Variants in NID1 observed in about 807,000 individuals in gnomAD.
The protein encoded by NID1 is nidogen 1, also known as nidogen-1.
NID1 carries 76 observed loss-of-function variants against 130.6 expected under a neutral mutation model. That is an observed-to-expected ratio of 0.58 (90% CI 0.48 to 0.70). The LOEUF is 0.70. NID1 is among the 30% of genes least tolerant of loss of function. The pLI, the probability that NID1 is intolerant of heterozygous loss-of-function variation, is 0.00. For missense variants in NID1, 1,517 were observed against 1,664.8 expected, an observed-to-expected ratio of 0.91 and a Z score of 1.54; for synonymous variants, 665 against 675.1, an observed-to-expected ratio of 0.98 and a Z score of 0.23.
rs755354883 is a variant in NID1 at position 236,017,134 on chromosome 1, C to T, written c.2254+14G>A. ...ATGTGAATACTGTTTCGAAAAGTTA[C>T]CTGGAGAACTTACCCACACACGTTC... On this transcript the variant is annotated intron_variant, in intron 10 of 19. Coordinates refer to ENST00000264187, the MANE Select transcript of NID1 (RefSeq NM_002508.3). 4 of 1,613,978 alleles carry T rather than the reference C, an allele frequency of 2.5e-6. No homozygotes were observed. The East Asian group carries it at 8.9e-5, about 36-fold the overall frequency.
intron 12 of NID1, among the ~76,000 whole-genome samples, 175 bp from the exon 13 acceptor site, chr1:235,994,047 T>G (rs564895385): frequency 6.6e-6 from 1 of 152,332 alleles, no homozygotes; most frequent in Non-Finnish European, 1.5e-5. Context: ...ATTGAATAGG[T>G]TTGTCAAGAA....
chr1:236,011,042 A>AG (rs1361502218), intron 12 of NID1, among the ~76,000 whole-genome samples: 2 of 152,118 alleles, frequency 1.3e-5, no homozygotes, highest in African/African-American at 2.4e-5. Flanking sequence ...CAAAAAAAAA[A>AG]GTGTACCTGC....
At chr1:236,053,918 T>C (rs547062005) in intron 1 of NID1, among the ~76,000 whole-genome samples, 48 of 151,862 alleles carry the variant, frequency 3.2e-4, no homozygotes, top group African/African-American at 1.1e-3. Flanking sequence ...TGGAGTAAAA[T>C]GCCAATTACT....
intron 16 of NID1, among the ~76,000 whole-genome samples, chr1:235,980,914 C>G (rs1657419595): frequency 6.6e-6 from 1 of 152,154 alleles, no homozygotes; most frequent in Non-Finnish European, 1.5e-5. Flanking sequence ...CTCAATGAAG[C>G]TGTTAGCAAA....
Position 235,995,516 on chromosome 1 carries a change from G to A in NID1, c.2528-1644C>T, listed in dbSNP as rs1362242814. ...CCAGAGTTGTAGCCTCTGCAGTATCGACCACACAAAGCAATGTCCAGACAC... is the reference window on the plus strand; with the variant it reads ...CCAGAGTTGTAGCCTCTGCAGTATCAACCACACAAAGCAATGTCCAGACAC... On this transcript the variant is annotated intron_variant, in intron 12 of 19. Transcript: ENST00000264187. 3.3e-5 allele frequency among the ~76,000 whole-genome samples: 5 copies of A among 152,126 alleles called. No individual in the cohort carries two copies. The East Asian group carries it at 7.7e-4, about 23-fold the overall frequency.
intron 1 of NID1, among the ~76,000 whole-genome samples, chr1:236,061,546 A>G (rs760241311): frequency 6.6e-6 from 1 of 151,850 alleles, no homozygotes; most frequent in Admixed American, 6.6e-5. Flanking sequence ...GCTTACTGCA[A>G]CCTCCACCTC....
chr1:235,977,519 A>C lies in NID1; in HGVS notation c.*348T>G. 1.0e-5 allele frequency: 2 copies of C among 192,994 alleles called. No individual in the cohort carries two copies. The highest frequency in any genetic ancestry group is 2.2e-5 in the Non-Finnish European group (2 of 92,472). 12.0% of individuals were successfully genotyped at this position (192,994 alleles called of 1,614,324 possible). On this transcript the variant is annotated 3_prime_UTR_variant, in exon 20 of 20. Transcript: ENST00000264187. ...TCATAAGGCCACAGGGAAGGGTGCA[A>C]CTCAAATTTGGGAGGTTCTGTTCAC...
intron 15 of NID1, among the ~76,000 whole-genome samples, chr1:235,983,249 C>T (rs1191791050): frequency 6.6e-6 from 1 of 152,144 alleles, no homozygotes; most frequent in African/African-American, 2.4e-5. Context: ...TCGCCAGAGC[C>T]CTAATATGAT....
In NID1 at chr1:235,981,664, G is replaced by C. The variant is rs1475982368; in HGVS notation, c.3174C>G (p.Leu1058=). 9 of 1,614,074 alleles carry C rather than the reference G, an allele frequency of 5.6e-6. No homozygotes were observed. The highest frequency in any genetic ancestry group is 7.6e-6 in the Non-Finnish European group (9 of 1,180,040). The part of the protein sequence containing the change: ...AKLDGTQRRV[L]FETDLVNPRG... ...TGGGATTCACCAAGTCAGTCTCAAA[G>C]AGCACCCGGCGCTGCGTGCCGTCCA... Residue 1058 remains leucine, a synonymous_variant, in exon 16 of 20, where the codon CTC becomes CTG. Transcript: ENST00000264187.
chr1:235,978,699 G>A (rs1035157256), intron 19 of NID1, among the ~76,000 whole-genome samples: 11 of 152,160 alleles, frequency 7.2e-5, no homozygotes, highest in African/African-American at 2.7e-4. Flanking sequence ...ACTTTTAAAG[G>A]AGCAGAGATC....
intron 6 of NID1, 35 bp from the exon 7 acceptor site, chr1:236,029,785 T>G (rs1553347350): frequency 1.2e-6 from 2 of 1,608,226 alleles, no homozygotes; most frequent in East Asian, 4.5e-5. Context: ...CTTTGCTGAC[T>G]GGGGAGCGCG....
intron 12 of NID1, among the ~76,000 whole-genome samples, chr1:235,995,610 T>C (rs1386158904): frequency 6.6e-6 from 1 of 152,200 alleles, no homozygotes; most frequent in Non-Finnish European, 1.5e-5. Context: ...TCTTGTTGCC[T>C]CTCCCTCCCA....
intron 12 of NID1, among the ~76,000 whole-genome samples, chr1:236,002,276 G>A (rs1658096800): frequency 6.6e-6 from 1 of 152,216 alleles, no homozygotes; most frequent in Non-Finnish European, 1.5e-5. Context: ...GATGAGGCAG[G>A]CAGATCACCT....
At chr1:236,037,824 A>G (rs1659305611) in intron 5 of NID1, among the ~76,000 whole-genome samples, 1 of 152,224 alleles carries the variant, frequency 6.6e-6, no homozygotes, top group Admixed American at 6.5e-5. Flanking sequence ...GTGGCCACAC[A>G]CCACGCAGTT....
At position 235,993,727 on chromosome 1, in the gene NID1, G is replaced by A; in HGVS notation, c.2673C>T (p.Gly891=). The A allele has an allele frequency of 6.2e-7, 1 of 1,611,868 alleles. No homozygotes were observed. The highest frequency in any genetic ancestry group is 8.5e-7 in the Non-Finnish European group (1 of 1,178,740). The change falls in exon 13 of 20, where the codon GGC becomes GGT. Residue 891 remains glycine, a synonymous_variant. Coordinates refer to ENST00000264187, the MANE Select transcript of NID1 (RefSeq NM_002508.3). ...HGHYAPTQCH[G]STGYCWCVDR... is the part of the protein sequence containing the mutation. ...CCACGCACCAGCAGTAGCCGGTGCT[G>A]CCGTGGCACTGGGTGGGCGCGTAGT...
At chr1:235,989,280 C>G (rs1323895672) in intron 14 of NID1, among the ~76,000 whole-genome samples, 1 of 152,078 alleles carries the variant, frequency 6.6e-6, no homozygotes, top group Non-Finnish European at 1.5e-5. Context: ...TGTAAATTAT[C>G]TGCTTTTTAT....
intron 1 of NID1, 142 bp downstream of exon 1, chr1:236,064,713 G>C (rs927058467): frequency 1.0e-4 from 75 of 716,492 alleles, no homozygotes; most frequent in Non-Finnish European, 1.2e-4. Flanking sequence ...GCAGAGGCGG[G>C]AGACCCTGCG....
chr1:236,033,417 A>G (rs544061129), intron 5 of NID1, among the ~76,000 whole-genome samples: 8 of 152,202 alleles, frequency 5.3e-5, no homozygotes, highest in Non-Finnish European at 1.0e-4. Context: ...CTGATCTATA[A>G]CACACTTTAA....
intron 14 of NID1, among the ~76,000 whole-genome samples, chr1:235,989,569 C>T (rs1657668891): frequency 6.6e-6 from 1 of 152,176 alleles, no homozygotes; most frequent in Non-Finnish European, 1.5e-5. Context: ...ATGAACAGTT[C>T]CTGTCTTGTG....
Sources: gnomAD v4.1 joint callset for allele counts (sites outside exome capture counted in the v4.1 genomes callset) on GRCh38, gnomAD v4.1.1 for gene constraint, MANE v1.5 for transcripts, NCBI Gene and HGNC (gene_info 2026-07-23, HGNC 2026-07-21) for gene names.